Variants in SEMA3A observed in about 807,000 individuals in gnomAD.
SEMA3A encodes semaphorin-3A.
In SEMA3A, 29 loss-of-function variants were observed where a neutral mutation model predicts 97.9. The observed-to-expected ratio is 0.30, with a 90% confidence interval of 0.22 to 0.40. The LOEUF (loss-of-function observed/expected upper bound fraction) is 0.40. SEMA3A is among the 10% of genes least tolerant of loss of function. The pLI, the probability that SEMA3A is intolerant of heterozygous loss-of-function variation, is 1.00. For missense variants in SEMA3A, 763 were observed against 951.3 expected (o/e 0.80, Z 2.60); for synonymous variants, 321 against 323.7 (o/e 0.99, Z 0.09).
At chr7:84,289,997 GAA>G (rs990171264) in intron 3 of SEMA3A, among the ~76,000 whole-genome samples, 18 of 152,052 alleles carry the variant, frequency 1.2e-4, no homozygotes, top group Non-Finnish European at 2.9e-5. Flanking sequence ...CATGCTAAGT[GAA>G]AAGTCACAAA....
rs751341560 is a variant in SEMA3A at position 83,961,403 on chromosome 7, G to A, written c.2284C>T (p.His762Tyr). Residue 762 changes from histidine (H) to tyrosine (Y), a missense_variant, in exon 17 of 17, where the codon CAC becomes TAC. His to Tyr is a moderately conservative substitution (Grantham distance 83). Coordinates refer to ENST00000265362, the MANE Select transcript of SEMA3A (RefSeq NM_006080.3). ...ENKKGRNRRT[H>Y]EFERAPRSV ...CTCCTGGGTGCCCTCTCAAATTCGTGGGTCCTCCTGTTTCTACCTTTCTTA... is the reference window on the plus strand; with the variant it reads ...CTCCTGGGTGCCCTCTCAAATTCGTAGGTCCTCCTGTTTCTACCTTTCTTA... 6.2e-7 allele frequency: 1 copy of A among 1,613,980 alleles called. No individual in the cohort carries two copies. Among genetic ancestry groups the A allele is most frequent in the South Asian group, 1.1e-5 (1 of 91,078 alleles).
intron 3 of SEMA3A, among the ~76,000 whole-genome samples, chr7:84,271,278 C>T (rs1800145723): frequency 6.6e-6 from 1 of 152,060 alleles, no homozygotes; most frequent in Non-Finnish European, 1.5e-5. Flanking sequence ...GGTTCAAACT[C>T]CTGGGCTCAC....
At chr7:84,059,893 GA>G (rs1427883400) in intron 5 of SEMA3A, among the ~76,000 whole-genome samples, 2 of 152,114 alleles carry the variant, frequency 1.3e-5, no homozygotes, top group East Asian at 1.9e-4. Flanking sequence ...TAAGAGTCTG[GA>G]AAAAATTCTT....
intron 4 of SEMA3A, among the ~76,000 whole-genome samples, chr7:84,075,913 T>G (rs1193877919): frequency 6.6e-6 from 1 of 152,198 alleles, no homozygotes; most frequent in Non-Finnish European, 1.5e-5. Flanking sequence ...AATATTATGG[T>G]TTATCAATTA....
At position 84,263,605 on chromosome 7, in the gene SEMA3A, C is replaced by A. The variant is rs114988372; in HGVS notation, c.-83+43602G>T. On this transcript the variant is annotated intron_variant, in intron 3 of 3. Transcript: ENST00000424555. ...CAACATGTCTGGCACATAGTCAATG[C>A]CATATAAGCATTTGCTATTATTATT... Among the ~76,000 whole-genome samples, 432 of 152,284 alleles carry A rather than the reference C, an allele frequency of 2.8e-3. 4 individuals are homozygous for A. The highest frequency in any genetic ancestry group is 0.01 in the African/African-American group (419 of 41,548).
chr7:84,263,639 C>T (rs1799916356), intron 3 of SEMA3A, among the ~76,000 whole-genome samples: 1 of 152,224 alleles, frequency 6.6e-6, no homozygotes, highest in Non-Finnish European at 1.5e-5. Flanking sequence ...TTCCCTCTCT[C>T]TTTCTTCTCA....
intron 1 of SEMA3A, among the ~76,000 whole-genome samples, chr7:84,409,039 TATA>T (rs1261827464): frequency 6.7e-6 from 1 of 149,314 alleles, no homozygotes; most frequent in Admixed American, 6.7e-5. Context: ...AAACTTAAAG[TATA>T]ATAATAATAA....
At chr7:84,086,085 C>T (rs1290649257) in intron 4 of SEMA3A, among the ~76,000 whole-genome samples, 2 of 152,038 alleles carry the variant, frequency 1.3e-5, no homozygotes, top group African/African-American at 2.4e-5. Flanking sequence ...AACTTCTCTA[C>T]GAGTGCTCTG....
chr7:84,308,873 A>G (rs187336999), intron 2 of SEMA3A, among the ~76,000 whole-genome samples: 2 of 148,754 alleles, frequency 1.3e-5, no homozygotes, highest in East Asian at 4.0e-4. Flanking sequence ...GCTGGAGTGC[A>G]ATGGCGCCGT....
At position 84,038,396 on chromosome 7, in the gene SEMA3A, GACA is replaced by G. The variant is rs746074115; in HGVS notation, c.667+7925_667+7927del. ...CATTAAAATTCTTACACAATATTAA[GACA>G]ACATCAATTGAATTTTTTTATTTTT... On this transcript the variant is annotated intron_variant, in intron 6 of 16. Coordinates refer to ENST00000265362, the MANE Select transcript of SEMA3A (RefSeq NM_006080.3). Among the ~76,000 whole-genome samples the G allele has an allele frequency of 1.3e-4, 20 of 152,068 alleles. 1 individual carries two copies. The highest frequency in any genetic ancestry group is 7.9e-4 in the Admixed American group (12 of 15,248).
At chr7:84,168,086 C>A (rs1417006719) in intron 1 of SEMA3A, among the ~76,000 whole-genome samples, 1 of 151,958 alleles carries the variant, frequency 6.6e-6, no homozygotes, top group African/African-American at 2.4e-5. Context: ...AAATAAGGCA[C>A]CATATTTTAA....
At position 84,045,428 on chromosome 7, in the gene SEMA3A, T is replaced by C. The variant is rs79386734; in HGVS notation, c.667+896A>G. The stretch of plus-strand genomic sequence containing the variant: ...TTTTAAGATTGAAGGTAGGTATAAA[T>C]ATAGATAATTAAGTAATGATAAAAA... On this transcript the variant is annotated intron_variant, in intron 6 of 16. Transcript: ENST00000265362. Among the ~76,000 whole-genome samples the C allele has an allele frequency of 1.2e-3, 189 of 151,782 alleles. 1 individual carries two copies. The East Asian group carries it at 0.017, about 13-fold the overall frequency.
At chr7:84,127,795 C>T (rs1030765449) in intron 3 of SEMA3A, among the ~76,000 whole-genome samples, 8 of 152,078 alleles carry the variant, frequency 5.3e-5, no homozygotes, top group Non-Finnish European at 7.4e-5. Context: ...ATCAAGTTGT[C>T]GCTTGAAAAT....
intron 1 of SEMA3A, among the ~76,000 whole-genome samples, chr7:84,173,427 C>T (rs922908974): frequency 2.0e-5 from 3 of 151,928 alleles, no homozygotes; most frequent in South Asian, 2.1e-4. Flanking sequence ...GGCGTGGTGG[C>T]GCATGCCTTT....
intron 3 of SEMA3A, among the ~76,000 whole-genome samples, chr7:84,305,349 T>C (rs76970222): frequency 0.026 from 3,992 of 152,008 alleles, 180 homozygotes; most frequent in African/African-American, 0.091. Context: ...CTAGCTTATA[T>C]GTGTGTTACC....
chr7:83,966,166 T>C (rs541552342), intron 15 of SEMA3A, among the ~76,000 whole-genome samples: 1 of 152,172 alleles, frequency 6.6e-6, no homozygotes, highest in East Asian at 1.9e-4. Flanking sequence ...CCAGAAAACA[T>C]GTAAAAATAG....
At chr7:84,467,886 A>G (rs2116402822) in intron 1 of SEMA3A, among the ~76,000 whole-genome samples, 1 of 152,292 alleles carries the variant, frequency 6.6e-6, no homozygotes, top group Admixed American at 6.5e-5. Flanking sequence ...ACATTATTAT[A>G]GTATTTTTAT....
chr7:84,405,819 A>G (rs1204364885), intron 1 of SEMA3A, among the ~76,000 whole-genome samples: 2 of 152,212 alleles, frequency 1.3e-5, no homozygotes, highest in Non-Finnish European at 2.9e-5. Context: ...AACAAAATGA[A>G]GGCAGAAATA....
intron 4 of SEMA3A, among the ~76,000 whole-genome samples, chr7:84,086,547 C>T (rs373280204): frequency 2.0e-4 from 10 of 51,108 alleles, no homozygotes; most frequent in East Asian, 7.6e-4. Flanking sequence ...ATTATATTTA[C>T]ATATAATATA....
Sources: allele counts gnomAD v4.1 joint callset (sites outside exome capture counted in the v4.1 genomes callset), GRCh38; gene constraint gnomAD v4.1.1; transcripts MANE v1.5; gene names NCBI Gene and HGNC (gene_info 2026-07-23, HGNC 2026-07-21).